HMGCLL1: variants seen among roughly 807,000 people sequenced by gnomAD.
HMGCLL1 encodes the protein 3-hydroxymethyl-3-methylglutaryl-CoA lyase, cytoplasmic.
In HMGCLL1, 36 loss-of-function variants were observed where a neutral mutation model predicts 39.1. That is an observed-to-expected ratio of 0.92 (90% CI 0.71 to 1.22). The LOEUF (loss-of-function observed/expected upper bound fraction) is 1.22. Among genes scored for constraint, HMGCLL1 ranks in the 50% most tolerant of loss-of-function variants. The probability of loss-of-function intolerance (pLI) is 0.00; values close to 1 mark genes in which losing one functional copy is unlikely to be tolerated. For synonymous variants in HMGCLL1, 149 were observed against 144.0 expected, an observed-to-expected ratio of 1.03 and a Z score of -0.25; for missense variants, 451 against 416.5, an observed-to-expected ratio of 1.08 and a Z score of -0.72.
chr6:55,625,329 A>G, the HMGCLL1 span, among the ~76,000 whole-genome samples: 1 of 152,096 alleles, frequency 6.6e-6, no homozygotes, highest in African/African-American at 2.4e-5. Context: ...GAAGTGGTGT[A>G]TAAGTGACCG....
chr6:55,480,542 G>A (rs1441908156), intron 7 of HMGCLL1, among the ~76,000 whole-genome samples: 4 of 151,616 alleles, frequency 2.6e-5, no homozygotes, highest in South Asian at 2.1e-4. Context: ...CAACCACTAC[G>A]GAGAGTGGTT....
At chr6:55,644,580 C>T in the HMGCLL1 span, among the ~76,000 whole-genome samples, 1 of 151,882 alleles carries the variant, frequency 6.6e-6, no homozygotes, top group Non-Finnish European at 1.5e-5. Context: ...TTGTATAAGG[C>T]AAGAGATACA....
chr6:55,493,426 G>A (rs1175075003), intron 7 of HMGCLL1, among the ~76,000 whole-genome samples: 2 of 152,070 alleles, frequency 1.3e-5, no homozygotes, highest in African/African-American at 4.8e-5. Flanking sequence ...TCGGCCCAAC[G>A]TTGTTTCCTG....
the HMGCLL1 span, among the ~76,000 whole-genome samples, chr6:55,636,213 A>G: frequency 6.6e-6 from 1 of 152,196 alleles, no homozygotes; most frequent in African/African-American, 2.4e-5. Flanking sequence ...AATGATTAAA[A>G]ACATTTTAAA....
At chr6:55,495,368 T>C in intron 7 of HMGCLL1, 51 bp downstream of exon 7, 1 of 1,339,032 alleles carries the variant, frequency 7.5e-7, no homozygotes, top group Non-Finnish European at 1.0e-6. Flanking sequence ...ATATTACAGA[T>C]AAAGATGAAC....
chr6:55,510,398 C>A (rs888632105), intron 5 of HMGCLL1, among the ~76,000 whole-genome samples: 4 of 151,304 alleles, frequency 2.6e-5, no homozygotes, highest in Non-Finnish European at 5.9e-5. Context: ...ACCCAAATGA[C>A]CAACAATGAT....
chr6:55,671,502 A>G, the HMGCLL1 span, among the ~76,000 whole-genome samples: 2 of 152,016 alleles, frequency 1.3e-5, no homozygotes, highest in East Asian at 1.9e-4. Context: ...TGAAAGGACA[A>G]TATGAAATTT....
upstream of HMGCLL1, among the ~76,000 whole-genome samples, chr6:55,580,406 CTTTTTT>C (rs145371462): frequency 1.5e-4 from 11 of 73,268 alleles, no homozygotes; most frequent in East Asian, 4.6e-4. Flanking sequence ...TTTTTTCTTT[CTTTTTT>C]TTTTTTTTTT....
intron 1 of HMGCLL1, among the ~76,000 whole-genome samples, chr6:55,556,531 T>C (rs186967502): frequency 2.0e-5 from 3 of 151,982 alleles, no homozygotes; most frequent in Admixed American, 6.6e-5. Flanking sequence ...AAATAGCAAA[T>C]TGGTATTGGA....
chr6:55,537,622 G>A (rs1324296513), intron 3 of HMGCLL1, among the ~76,000 whole-genome samples: 1 of 152,066 alleles, frequency 6.6e-6, no homozygotes, highest in Admixed American at 6.6e-5. Context: ...TTGGACTGTG[G>A]GCATTCACAC....
chr6:55,573,283 CAG>C (rs1242678791), intron 1 of HMGCLL1, among the ~76,000 whole-genome samples: 2 of 152,162 alleles, frequency 1.3e-5, no homozygotes, highest in Non-Finnish European at 2.9e-5. Context: ...CAGTATTATT[CAG>C]AGTCTCAAAT....
chr6:55,643,384 G>C, the HMGCLL1 span, among the ~76,000 whole-genome samples: 1 of 151,942 alleles, frequency 6.6e-6, no homozygotes, highest in Non-Finnish European at 1.5e-5. Context: ...TTGCTTTCTA[G>C]TTGTTTTCTA....
At chr6:55,568,818 G>C (rs1771335571) in intron 1 of HMGCLL1, among the ~76,000 whole-genome samples, 2 of 151,800 alleles carry the variant, frequency 1.3e-5, no homozygotes, top group Admixed American at 1.3e-4. Flanking sequence ...GGTGTGCACG[G>C]TCTAGCCCCT....
At chr6:55,594,342 G>A in the HMGCLL1 span, among the ~76,000 whole-genome samples, 1 of 152,016 alleles carries the variant, frequency 6.6e-6, no homozygotes, top group Non-Finnish European at 1.5e-5. Context: ...TAGTTTACAC[G>A]GTCTTGGTGT....
intron 7 of HMGCLL1, among the ~76,000 whole-genome samples, chr6:55,493,473 C>T (rs1202838936): frequency 6.6e-6 from 1 of 152,100 alleles, no homozygotes; most frequent in Non-Finnish European, 1.5e-5. Flanking sequence ...AAAAATGGCC[C>T]AGAATTTCAG....
Position 55,443,408 on chromosome 6 carries a change from C to T in HMGCLL1, c.796-3849G>A, listed in dbSNP as rs1382577016. Among the ~76,000 whole-genome samples, 11 of 152,220 alleles carry T rather than the reference C, an allele frequency of 7.2e-5. No individual in the cohort carries two copies. In the East Asian group the frequency reaches 1.9e-3, roughly 27 times the overall value. On this transcript the variant is annotated intron_variant, in intron 7 of 8. Coordinates refer to ENST00000274901, the MANE Select transcript of HMGCLL1 (RefSeq NM_001042406.2). ...AATCCACGTATCATGTTCCTTTTCT[C>T]GCTACTGAGGATCAAGACCCTGCAA...
chr6:55,486,120 T>C lies in HMGCLL1; in HGVS notation c.795+9299A>G, dbSNP rs1389189822. Among the ~76,000 whole-genome samples, 11 of 149,882 alleles carry C rather than the reference T, an allele frequency of 7.3e-5. No homozygotes were observed. In the East Asian group the frequency reaches 2.0e-3, roughly 27 times the overall value. On this transcript the variant is annotated intron_variant, in intron 7 of 8. Coordinates refer to ENST00000274901, the MANE Select transcript of HMGCLL1 (RefSeq NM_001042406.2). Reference sequence around the variant, plus strand: ...ATATGTATGTGTGTGTGTGTATATATATAGTCTATGAATATATATGTAATA... The same window carrying C: ...ATATGTATGTGTGTGTGTGTATATACATAGTCTATGAATATATATGTAATA...
intron 5 of HMGCLL1, among the ~76,000 whole-genome samples, chr6:55,500,908 AG>A (rs1766848433): frequency 6.6e-6 from 1 of 152,008 alleles, no homozygotes; most frequent in South Asian, 2.1e-4. Flanking sequence ...AGAAAATCCA[AG>A]GTATTTATTT....
intron 7 of HMGCLL1, among the ~76,000 whole-genome samples, chr6:55,471,783 T>G (rs906691101): frequency 1.3e-5 from 2 of 151,572 alleles, no homozygotes; most frequent in African/African-American, 4.8e-5. Flanking sequence ...AAAACACCAC[T>G]CAGGTCAGAA....
Sources: allele counts gnomAD v4.1 joint callset (sites outside exome capture counted in the v4.1 genomes callset), GRCh38; gene constraint gnomAD v4.1.1; transcripts MANE v1.5; gene names NCBI Gene and HGNC (gene_info 2026-07-23, HGNC 2026-07-21).